The following DISP1 variants were observed in gnomAD, a reference collection of about 807,000 sequenced individuals.
DISP1 encodes protein dispatched homolog 1.
In DISP1, 30 loss-of-function variants were observed where a neutral mutation model predicts 37.3. The ratio of observed to expected loss-of-function variants is 0.80; its 90% CI spans 0.60 to 1.09. The LOEUF (loss-of-function observed/expected upper bound fraction) is 1.09, where lower values mean the gene tolerates loss of function less well. Ranked by LOEUF, DISP1 falls within the 50% of genes least tolerant of loss-of-function variation. The pLI is 0.00. For synonymous variants in DISP1, 634 were observed against 690.2 expected (o/e 0.92, Z 1.28); for missense variants, 1,598 against 1,879.5 (o/e 0.85, Z 2.77).
At chr1:222,988,104 A>G (rs111841208) in intron 4 of DISP1, among the ~76,000 whole-genome samples, 322 of 152,290 alleles carry the variant, frequency 2.1e-3, no homozygotes, top group African/African-American at 7.3e-3. Context: ...TGTCACTTAA[A>G]TGTTTTTATT....
intron 7 of DISP1, among the ~76,000 whole-genome samples, chr1:222,993,726 C>T (rs1678864121): frequency 6.6e-6 from 1 of 152,152 alleles, no homozygotes; most frequent in Admixed American, 6.5e-5. Context: ...TATATTATTG[C>T]TTAACCAACA....
chr1:222,886,690 A>G (rs1430403927), intron 1 of DISP1, among the ~76,000 whole-genome samples: 1 of 152,214 alleles, frequency 6.6e-6, no homozygotes, highest in Non-Finnish European at 1.5e-5. Context: ...GAGACCATTT[A>G]TGTTGTGTTT....
chr1:222,947,472 C>T (rs1233711830), intron 3 of DISP1, among the ~76,000 whole-genome samples: 2 of 152,100 alleles, frequency 1.3e-5, no homozygotes, highest in African/African-American at 2.4e-5. Flanking sequence ...ATGGACACTT[C>T]GATCTTTCAG....
At position 222,923,902 on chromosome 1, in the gene DISP1, C is replaced by T. The variant is rs1267247743; in HGVS notation, c.-158-4528C>T. ...TGCTGGTGAAGTAAATAAATGCTGA[C>T]GATGAGCTCTTAACTAAGCACAAAG... On this transcript the variant is annotated intron_variant, in intron 1 of 8. Transcript: ENST00000675850. 3.9e-5 allele frequency among the ~76,000 whole-genome samples: 6 copies of T among 151,974 alleles called. No individual in the cohort carries two copies. The South Asian group carries it at 6.2e-4, about 16-fold the overall frequency.
intron 1 of DISP1, among the ~76,000 whole-genome samples, chr1:222,841,951 G>C (rs887186876): frequency 3.9e-5 from 6 of 152,058 alleles, no homozygotes; most frequent in African/African-American, 1.4e-4. Flanking sequence ...TGGAATTTTA[G>C]ACATCTTTCA....
At chr1:222,885,877 C>T (rs1313355635) in intron 1 of DISP1, among the ~76,000 whole-genome samples, 1 of 151,520 alleles carries the variant, frequency 6.6e-6, no homozygotes, top group Non-Finnish European at 1.5e-5. Flanking sequence ...GATACACACA[C>T]ACACACACAG....
intron 3 of DISP1, among the ~76,000 whole-genome samples, chr1:222,975,453 C>T (rs1247632610): frequency 6.6e-6 from 1 of 152,126 alleles, no homozygotes; most frequent in African/African-American, 2.4e-5. Context: ...CTTCTCCTTC[C>T]AAAAATTATT....
intron 1 of DISP1, among the ~76,000 whole-genome samples, chr1:222,871,771 C>T (rs1346196756): frequency 6.6e-6 from 1 of 152,150 alleles, no homozygotes; most frequent in African/African-American, 2.4e-5. Flanking sequence ...TAATTGAATG[C>T]CGTTTATTTC....
intron 1 of DISP1, among the ~76,000 whole-genome samples, chr1:222,843,564 G>C (rs967213292): frequency 2.0e-5 from 2 of 98,024 alleles, no homozygotes; most frequent in South Asian, 3.4e-4. Flanking sequence ...AATGAAGGAT[G>C]GGGGGGGGAA....
chr1:222,937,962 C>T (rs1328892148), intron 2 of DISP1, among the ~76,000 whole-genome samples: 1 of 152,142 alleles, frequency 6.6e-6, no homozygotes, highest in African/African-American at 2.4e-5. Context: ...CAACCTCCGT[C>T]TCTTGGGCTC....
At position 222,943,204 on chromosome 1, in the gene DISP1, T is replaced by C; in HGVS notation, c.381T>C (p.Leu127=). 1 of 1,609,890 alleles carries C rather than the reference T, an allele frequency of 6.2e-7. No individual in the cohort carries two copies. The highest frequency in any genetic ancestry group is 8.5e-7 in the Non-Finnish European group (1 of 1,176,490). Residue 127 remains leucine, a synonymous_variant, in exon 3 of 9, where the codon CTT becomes CTC. Coordinates refer to ENST00000675850, the MANE Select transcript of DISP1 (RefSeq NM_001377229.1). ...CACACTCCGAGTATTCTGCATCTCT[T>C]TGTCCAAATCATTCACCTGTGTATC... The part of the protein sequence containing the change: ...MQPHSEYSAS[L]CPNHSPVYQT...
chr1:222,957,789 T>C (rs961047880), intron 3 of DISP1, among the ~76,000 whole-genome samples: 10 of 152,180 alleles, frequency 6.6e-5, no homozygotes, highest in African/African-American at 2.4e-4. Context: ...AATTCCTTTC[T>C]TGTTTACTGA....
intron 1 of DISP1, among the ~76,000 whole-genome samples, chr1:222,869,957 A>T (rs1002058357): frequency 2.0e-5 from 3 of 151,380 alleles, no homozygotes; most frequent in African/African-American, 7.3e-5. Flanking sequence ...ACCCCACAAC[A>T]GTCCCCAGTG....
intron 1 of DISP1, among the ~76,000 whole-genome samples, chr1:222,839,047 T>C (rs527488638): frequency 6.6e-6 from 1 of 152,302 alleles, no homozygotes; most frequent in East Asian, 1.9e-4. Flanking sequence ...GGGCTGTTAG[T>C]TGAAGATCAG....
intron 1 of DISP1, among the ~76,000 whole-genome samples, chr1:222,843,569 G>A (rs866980516): frequency 6.6e-6 from 1 of 150,862 alleles, no homozygotes; most frequent in African/African-American, 2.4e-5. Flanking sequence ...AGGATGGGGG[G>A]GGGAAATTTC....
chr1:222,850,083 TATAAG>T (rs1668136465), intron 1 of DISP1, among the ~76,000 whole-genome samples: 1 of 152,190 alleles, frequency 6.6e-6, no homozygotes, highest in Non-Finnish European at 1.5e-5. Flanking sequence ...CTGTAAAATG[TATAAG>T]ATAAGCCCCA....
intron 3 of DISP1, among the ~76,000 whole-genome samples, chr1:222,948,535 T>G (rs1674960818): frequency 6.6e-6 from 1 of 152,228 alleles, no homozygotes; most frequent in East Asian, 1.9e-4. Context: ...TCTACGCAAC[T>G]CTTTCAGGAA....
rs563212670 is a variant in DISP1 at position 222,903,206 on chromosome 1, C to T, written c.-158-25224C>T. On this transcript the variant is annotated intron_variant, in intron 1 of 8. Coordinates refer to ENST00000675850, the MANE Select transcript of DISP1 (RefSeq NM_001377229.1). ...AGCAAACTATCGCAAGGACAAAAAA[C>T]CAAACACCACATGTTCTCACTCATA... 2.3e-3 allele frequency among the ~76,000 whole-genome samples: 345 copies of T among 149,142 alleles called. 1 individual carries two copies. The highest frequency in any genetic ancestry group is 4.9e-3 in the Admixed American group (72 of 14,802).
intron 3 of DISP1, among the ~76,000 whole-genome samples, chr1:222,965,460 C>G (rs956004169): frequency 6.6e-6 from 1 of 152,124 alleles, no homozygotes; most frequent in African/African-American, 2.4e-5. Flanking sequence ...GTCACCATTA[C>G]TTTCCTGGCA....
Sources: gnomAD v4.1 joint callset for allele counts (sites outside exome capture counted in the v4.1 genomes callset) on GRCh38, gnomAD v4.1.1 for gene constraint, MANE v1.5 for transcripts, NCBI Gene and HGNC (gene_info 2026-07-23, HGNC 2026-07-21) for gene names.